KAZN: variants seen among roughly 807,000 people sequenced by gnomAD.
KAZN encodes the protein kazrin, periplakin interacting protein.
A neutral mutation model predicts 87.4 loss-of-function variants in KAZN; 40 were observed. The observed-to-expected ratio is 0.46, with a 90% CI of 0.36 to 0.60. KAZN has a LOEUF of 0.60. Ranked by LOEUF, KAZN falls within the 20% of genes least tolerant of loss-of-function variation. The probability of loss-of-function intolerance (pLI) is 0.00; values close to 1 mark genes in which losing one functional copy is unlikely to be tolerated. For synonymous variants in KAZN, 466 were observed against 458.3 expected, an observed-to-expected ratio of 1.02 and a Z score of -0.22; for missense variants, 898 against 1,073.9, an observed-to-expected ratio of 0.84 and a Z score of 2.29.
intron 4 of KAZN, among the ~76,000 whole-genome samples, chr1:15,050,530 C>T (rs1184580229): frequency 6.6e-6 from 1 of 152,204 alleles, no homozygotes; most frequent in East Asian, 1.9e-4. Context: ...AGCAGGAGGG[C>T]TTGGCCAAGC....
chr1:14,404,423 T>A (rs1557694737), intron 2 of KAZN, among the ~76,000 whole-genome samples: 1 of 152,180 alleles, frequency 6.6e-6, no homozygotes, highest in Admixed American at 6.5e-5. Flanking sequence ...GCGGACTCTG[T>A]TGCCCTTACT....
At chr1:14,887,188 C>T (rs1291144832) in intron 1 of KAZN, among the ~76,000 whole-genome samples, 1 of 152,166 alleles carries the variant, frequency 6.6e-6, no homozygotes, top group Non-Finnish European at 1.5e-5. Flanking sequence ...CTGCCAAAGA[C>T]CTGTTTTATT....
intron 2 of KAZN, among the ~76,000 whole-genome samples, chr1:14,510,358 A>G (rs2148443900): frequency 7.1e-6 from 1 of 141,640 alleles, no homozygotes; most frequent in African/African-American, 2.6e-5. Context: ...AGCCTGGGCA[A>G]CGAGAGCAAA....
At chr1:14,826,047 G>A (rs1646876566) in intron 1 of KAZN, among the ~76,000 whole-genome samples, 1 of 152,144 alleles carries the variant, frequency 6.6e-6, no homozygotes. Flanking sequence ...AGCAAAGAAG[G>A]GGCTGGACCT....
chr1:14,088,193 G>A (rs1643897158), intron 1 of KAZN, among the ~76,000 whole-genome samples: 1 of 151,328 alleles, frequency 6.6e-6, no homozygotes, highest in South Asian at 2.1e-4. Flanking sequence ...TTTAATTTTT[G>A]CATCTTTTTC....
At chr1:14,532,128 A>G (rs557605773) in intron 2 of KAZN, among the ~76,000 whole-genome samples, 2 of 152,202 alleles carry the variant, frequency 1.3e-5, no homozygotes, top group South Asian at 4.1e-4. Context: ...TGTGGGCATG[A>G]CAGCCTCCCC....
chr1:14,511,271 C>G (rs1220595269), intron 2 of KAZN, among the ~76,000 whole-genome samples: 1 of 152,188 alleles, frequency 6.6e-6, no homozygotes, highest in Non-Finnish European at 1.5e-5. Flanking sequence ...CTACAACAAA[C>G]TTTACCCAGG....
chr1:14,372,820 G>A (rs1265178132), intron 2 of KAZN, among the ~76,000 whole-genome samples: 2 of 152,210 alleles, frequency 1.3e-5, no homozygotes, highest in Admixed American at 6.5e-5. Context: ...CCTAGCTGTG[G>A]TGGTGAGCAA....
chr1:14,924,595 G>A, intron 1 of KAZN: 1 of 1,005,634 alleles, frequency 9.9e-7, no homozygotes, highest in Non-Finnish European at 1.2e-6. Context: ...GGGGCGGGGC[G>A]GGGCGGGCGG....
In KAZN at chr1:14,923,224, G is replaced by C. The variant is rs1658747358; in HGVS notation, c.227-37460G>C. Reference sequence around the variant, plus strand: ...ACCTGGCTGTGTGGCCTCGGCTCCCGCGTGTCTACAACAGGGGGGAACTGG... The same window carrying C: ...ACCTGGCTGTGTGGCCTCGGCTCCCCCGTGTCTACAACAGGGGGGAACTGG... On this transcript the variant is annotated intron_variant, in intron 1 of 14. Transcript: ENST00000376030. The surrounding 1 kb of genome is among the most constrained non-coding windows in gnomAD (Gnocchi z 4.2). Among the ~76,000 whole-genome samples the C allele has an allele frequency of 6.6e-6, 1 of 152,112 alleles. No homozygotes were observed. Among genetic ancestry groups the C allele is most frequent in the African/African-American group, 2.4e-5 (1 of 41,398 alleles).
At chr1:14,933,132 C>T (rs561713855) in intron 1 of KAZN, among the ~76,000 whole-genome samples, 3 of 152,272 alleles carry the variant, frequency 2.0e-5, no homozygotes, top group African/African-American at 7.2e-5. Flanking sequence ...GCCCTTGTTG[C>T]CCAAGCTGGA....
intron 1 of KAZN, among the ~76,000 whole-genome samples, chr1:14,740,195 C>T (rs1308002687): frequency 6.6e-6 from 1 of 152,176 alleles, no homozygotes; most frequent in African/African-American, 2.4e-5. Flanking sequence ...CTTAGACATC[C>T]CTGGAGCTCA....
chr1:14,681,635 A>AT (rs1640615597), intron 1 of KAZN, among the ~76,000 whole-genome samples: 1 of 41,438 alleles, frequency 2.4e-5, no homozygotes, highest in Non-Finnish European at 3.9e-5. Context: ...ATATATATAT[A>AT]TATATATATA....
rs143786145 is a variant in KAZN at position 14,226,291 on chromosome 1, C to A, written c.249+45699C>A. Among the ~76,000 whole-genome samples the A allele has an allele frequency of 8.0e-3, 1,215 of 152,052 alleles. 16 individuals are homozygous for A. The highest frequency in any genetic ancestry group is 0.028 in the African/African-American group (1,174 of 41,470). On this transcript the variant is annotated intron_variant, in intron 2 of 16. Coordinates refer to the KAZN transcript ENST00000636203. ...CAAAAGAAGACATACATGTGGCCAA[C>A]AAGCATATGAAAAAAATTTTCAATA... is the stretch of plus-strand genomic sequence containing the variant.
At chr1:14,303,445 C>T (rs1015754891) in intron 2 of KAZN, among the ~76,000 whole-genome samples, 4 of 152,134 alleles carry the variant, frequency 2.6e-5, no homozygotes, top group Non-Finnish European at 4.4e-5. Flanking sequence ...TGGGTTTCAC[C>T]GTGTTAACCA....
At chr1:14,414,112 GACA>G (rs1159362845) in intron 2 of KAZN, among the ~76,000 whole-genome samples, 1 of 152,254 alleles carries the variant, frequency 6.6e-6, no homozygotes, top group East Asian at 1.9e-4. Flanking sequence ...AATTAAAAAT[GACA>G]ACATCAAGAG....
chr1:14,578,058 C>T (rs4661507), intron 2 of KAZN, among the ~76,000 whole-genome samples: 138,338 of 152,088 alleles, frequency 0.91, 64,374 homozygotes, highest in East Asian at 1. Flanking sequence ...ATAATAAGTG[C>T]ATCTACCCCC....
At chr1:14,001,835 T>A (rs1363602694) in intron 1 of KAZN, among the ~76,000 whole-genome samples, 1 of 152,152 alleles carries the variant, frequency 6.6e-6, no homozygotes, top group Admixed American at 6.5e-5. Flanking sequence ...CCTTATACCT[T>A]ATACAAAAAT....
At chr1:15,104,257 G>A (rs1641217255) in intron 13 of KAZN, 68 bp downstream of exon 13, 1 of 1,438,862 alleles carries the variant, frequency 6.9e-7, no homozygotes, top group Non-Finnish European at 9.3e-7. Flanking sequence ...TTTGGAAGCA[G>A]ATGGTCCAGC....
Sources: gnomAD v4.1 joint callset for allele counts (sites outside exome capture counted in the v4.1 genomes callset) on GRCh38, gnomAD v4.1.1 for gene constraint, Gnocchi (gnomAD v3.1) non-coding constraint, MANE v1.5 for transcripts, NCBI Gene and HGNC (gene_info 2026-07-23, HGNC 2026-07-21) for gene names.